C10orf90: variants seen among roughly 807,000 people sequenced by gnomAD.
C10orf90 encodes (E2-independent) E3 ubiquitin-conjugating enzyme FATS.
In C10orf90, 56 loss-of-function variants were observed where a neutral mutation model predicts 62.5. The observed-to-expected ratio is 0.90, with a 90% CI of 0.72 to 1.12. C10orf90 has a LOEUF of 1.12. Among genes scored for constraint, C10orf90 ranks in the 50% most tolerant of loss-of-function variants. The probability of loss-of-function intolerance (pLI) is 0.00; values close to 1 mark genes in which losing one functional copy is unlikely to be tolerated. For missense variants in C10orf90, 970 were observed against 880.4 expected (o/e 1.10, Z -1.29); for synonymous variants, 386 against 340.4 (o/e 1.13, Z -1.47).
intron 2 of C10orf90, chr10:126,521,603 G>C (rs1410671353): frequency 5.4e-6 from 3 of 559,114 alleles, no homozygotes; most frequent in Admixed American, 4.2e-5. Context: ...TTACATTTGA[G>C]GCTTCTTTGA....
At chr10:126,609,497 G>C (rs1306619395) in intron 2 of C10orf90, among the ~76,000 whole-genome samples, 1 of 152,222 alleles carries the variant, frequency 6.6e-6, no homozygotes. Flanking sequence ...CTCAGTCCCT[G>C]TTTGTTGAGT....
At chr10:126,666,761 G>A (rs537000703) in intron 1 of C10orf90, among the ~76,000 whole-genome samples, 15 of 152,108 alleles carry the variant, frequency 9.9e-5, no homozygotes, top group Admixed American at 5.2e-4. Context: ...GGCGGATCAT[G>A]AGGTCAGGAG....
intron 2 of C10orf90, among the ~76,000 whole-genome samples, chr10:126,534,332 C>A (rs1313160734): frequency 6.6e-6 from 1 of 152,184 alleles, no homozygotes; most frequent in Non-Finnish European, 1.5e-5. Flanking sequence ...TCTGGCTTTG[C>A]CACTTAAGAA....
chr10:126,461,156 C>A (rs960440359), intron 6 of C10orf90, among the ~76,000 whole-genome samples: 3 of 152,182 alleles, frequency 2.0e-5, no homozygotes, highest in Non-Finnish European at 4.4e-5. Context: ...CTGCTGCTGT[C>A]ACTGTCACTA....
intron 2 of C10orf90, among the ~76,000 whole-genome samples, chr10:126,526,023 AACACACACAC>A (rs3040780): frequency 5.3e-4 from 73 of 139,034 alleles, no homozygotes; most frequent in African/African-American, 1.5e-3. Flanking sequence ...CACCTGCCAC[AACACACACAC>A]ACACACACAC....
At chr10:126,554,352 T>C (rs1331727645) in intron 2 of C10orf90, among the ~76,000 whole-genome samples, 1 of 152,146 alleles carries the variant, frequency 6.6e-6, no homozygotes, top group East Asian at 1.9e-4. Context: ...ATAGTGCTTA[T>C]CTTGGTGAGG....
chr10:126,669,382 C>A (rs917794621), intron 1 of C10orf90, among the ~76,000 whole-genome samples: 1 of 152,142 alleles, frequency 6.6e-6, no homozygotes, highest in Non-Finnish European at 1.5e-5. Context: ...AAAGACCTGG[C>A]GTATTTGCCA....
Position 126,567,532 on chromosome 10 carries a change from C to T in C10orf90, c.314-53593G>A, listed in dbSNP as rs142284087. Among the ~76,000 whole-genome samples the T allele has an allele frequency of 7.6e-3, 1,160 of 152,210 alleles. 8 individuals are homozygous for T. Among genetic ancestry groups the T allele is most frequent in the African/African-American group, 0.024 (1,002 of 41,532 alleles). ...GCATGAGACCCTCTTCCCCCACCCCCGGGAGATTTGCTCAGAGAGGAGCAA... is the reference window on the plus strand; with the variant it reads ...GCATGAGACCCTCTTCCCCCACCCCTGGGAGATTTGCTCAGAGAGGAGCAA... On this transcript the variant is annotated intron_variant, in intron 2 of 9. Coordinates refer to ENST00000488181, the MANE Select transcript of C10orf90 (RefSeq NM_001350921.2).
intron 2 of C10orf90, among the ~76,000 whole-genome samples, chr10:126,531,044 G>A (rs995497003): frequency 6.6e-6 from 1 of 151,658 alleles, no homozygotes; most frequent in Non-Finnish European, 1.5e-5. Context: ...TGTGGTGGCG[G>A]GTGCCTGTAA....
At chr10:126,638,046 C>G (rs1845986978) in intron 2 of C10orf90, among the ~76,000 whole-genome samples, 1 of 152,152 alleles carries the variant, frequency 6.6e-6, no homozygotes, top group Admixed American at 6.5e-5. Context: ...CAGAAAGACT[C>G]CAGGTTTCCA....
At chr10:126,653,349 T>G (rs948758585) in intron 1 of C10orf90, among the ~76,000 whole-genome samples, 1 of 152,228 alleles carries the variant, frequency 6.6e-6, no homozygotes, top group Non-Finnish European at 1.5e-5. Flanking sequence ...TCACCACTGC[T>G]CTATCAACAA....
At chr10:126,619,961 C>G (rs1299811847) in intron 2 of C10orf90, among the ~76,000 whole-genome samples, 4 of 152,076 alleles carry the variant, frequency 2.6e-5, no homozygotes, top group Non-Finnish European at 5.9e-5. Context: ...TTAGAAATTC[C>G]TGATATATTC....
intron 4 of C10orf90, among the ~76,000 whole-genome samples, chr10:126,481,193 T>A (rs950357723): frequency 6.6e-6 from 1 of 152,214 alleles, no homozygotes; most frequent in Non-Finnish European, 1.5e-5. Context: ...TGGCCACCCA[T>A]CTAAAGGAGC....
intron 2 of C10orf90, among the ~76,000 whole-genome samples, chr10:126,595,519 T>C (rs1162697245): frequency 6.6e-6 from 1 of 152,188 alleles, no homozygotes; most frequent in Non-Finnish European, 1.5e-5. Context: ...AGGGATTTTG[T>C]GGAATCTCCC....
intron 2 of C10orf90, among the ~76,000 whole-genome samples, chr10:126,603,402 C>T (rs931840872): frequency 3.3e-5 from 5 of 152,074 alleles, no homozygotes; most frequent in African/African-American, 7.2e-5. Flanking sequence ...GGGTAACCGC[C>T]CCCATGATTC....
At chr10:126,625,473 C>T (rs575319883) in intron 2 of C10orf90, among the ~76,000 whole-genome samples, 1 of 152,272 alleles carries the variant, frequency 6.6e-6, no homozygotes, top group African/African-American at 2.4e-5. Context: ...CTGTATCCTG[C>T]CGAACTTCCT....
At chr10:126,593,151 G>A (rs759742369) in intron 2 of C10orf90, among the ~76,000 whole-genome samples, 52 of 152,210 alleles carry the variant, frequency 3.4e-4, no homozygotes, top group Middle Eastern at 3.4e-3. Flanking sequence ...ATCTAGAAGC[G>A]GAAATGCCAT....
At chr10:126,594,002 G>C (rs1845033328) in intron 2 of C10orf90, among the ~76,000 whole-genome samples, 1 of 151,864 alleles carries the variant, frequency 6.6e-6, no homozygotes, top group African/African-American at 2.4e-5. Context: ...AGCAGGATCA[G>C]CCCAGGGAGG....
intron 2 of C10orf90, among the ~76,000 whole-genome samples, chr10:126,628,090 T>C (rs1845782279): frequency 1.3e-5 from 2 of 152,210 alleles, no homozygotes; most frequent in African/African-American, 2.4e-5. Context: ...GTTCCCTCCA[T>C]GTAACACGTG....
Sources: gnomAD v4.1 joint callset for allele counts (sites outside exome capture counted in the v4.1 genomes callset) on GRCh38, gnomAD v4.1.1 for gene constraint, MANE v1.5 for transcripts, NCBI Gene and HGNC (gene_info 2026-07-23, HGNC 2026-07-21) for gene names.